DPH6: variants seen among roughly 807,000 people sequenced by gnomAD.
DPH6 encodes the protein diphthamine biosynthesis 6, also known as diphthine--ammonia ligase.
DPH6 carries 33 observed loss-of-function variants against 38.2 expected under a neutral mutation model. That is an observed-to-expected ratio of 0.86 (90% CI 0.65 to 1.15). DPH6 has a LOEUF of 1.15. Among genes scored for constraint, DPH6 ranks in the 50% most tolerant of loss-of-function variants. DPH6 has a pLI of 0.00. For missense variants in DPH6, 325 were observed against 320.0 expected (o/e 1.02, Z -0.12); for synonymous variants, 108 against 103.0 (o/e 1.05, Z -0.30).
chr15:35,257,171 C>T (rs918406157), intron 3 of DPH6, among the ~76,000 whole-genome samples: 41 of 152,086 alleles, frequency 2.7e-4, no homozygotes, highest in African/African-American at 9.7e-4. Flanking sequence ...CATAGCATAC[C>T]AGGAAAGGAG....
intron 2 of DPH6, among the ~76,000 whole-genome samples, chr15:35,539,071 A>T (rs2055214860): frequency 6.6e-6 from 1 of 152,104 alleles, no homozygotes; most frequent in African/African-American, 2.4e-5. Context: ...CTAATCAATA[A>T]TATAATCAGT....
chr15:35,496,173 A>AG (rs2054546287), intron 3 of DPH6, among the ~76,000 whole-genome samples: 1 of 152,226 alleles, frequency 6.6e-6, no homozygotes, highest in Non-Finnish European at 1.5e-5. Context: ...CTAATTACTT[A>AG]GAAAAAATTG....
intron 3 of DPH6, among the ~76,000 whole-genome samples, chr15:35,256,132 T>C (rs2051706690): frequency 6.6e-6 from 1 of 152,160 alleles, no homozygotes; most frequent in South Asian, 2.1e-4. Context: ...CATCTTATAT[T>C]ACCATGGTAT....
At chr15:35,300,615 C>T (rs1424799441) in intron 3 of DPH6, among the ~76,000 whole-genome samples, 3 of 152,128 alleles carry the variant, frequency 2.0e-5, no homozygotes, top group African/African-American at 7.2e-5. Context: ...TGGGAAAAGA[C>T]AAATGGGAGA....
chr15:35,167,210 C>T, the DPH6 span, among the ~76,000 whole-genome samples: 1 of 151,966 alleles, frequency 6.6e-6, no homozygotes, highest in Admixed American at 6.6e-5. Flanking sequence ...TTTAAAACCA[C>T]TGGAAGACTC....
At chr15:35,187,368 C>A in the DPH6 span, among the ~76,000 whole-genome samples, 3 of 152,168 alleles carry the variant, frequency 2.0e-5, no homozygotes, top group Non-Finnish European at 4.4e-5. Context: ...GGATTCTATT[C>A]TGAATGATTT....
At chr15:35,544,391 T>C (rs894655481) in intron 1 of DPH6, among the ~76,000 whole-genome samples, 1 of 151,902 alleles carries the variant, frequency 6.6e-6, no homozygotes, top group Admixed American at 6.6e-5. Flanking sequence ...TTAGGAGAAA[T>C]ACCTAATGTA....
At chr15:35,545,342 C>CT (rs2055329857) in intron 1 of DPH6, among the ~76,000 whole-genome samples, 1 of 152,198 alleles carries the variant, frequency 6.6e-6, no homozygotes. Context: ...AGTCACAGGA[C>CT]TTATTTAGAC....
intron 3 of DPH6, among the ~76,000 whole-genome samples, chr15:35,494,436 T>C (rs1227762712): frequency 1.3e-5 from 2 of 152,054 alleles, no homozygotes; most frequent in African/African-American, 2.4e-5. Flanking sequence ...TAGACAACAA[T>C]AACCTGCCTA....
intron 3 of DPH6, among the ~76,000 whole-genome samples, chr15:35,524,733 C>T (rs979333823): frequency 1.3e-5 from 2 of 152,042 alleles, no homozygotes; most frequent in African/African-American, 2.4e-5. Flanking sequence ...GATAGTGCTA[C>T]ATAAATTGCA....
chr15:35,192,778 C>T, the DPH6 span, among the ~76,000 whole-genome samples: 3 of 152,188 alleles, frequency 2.0e-5, no homozygotes, highest in African/African-American at 4.8e-5. Flanking sequence ...AATTTGTATG[C>T]ATCTATAACA....
rs534952395 is a variant in DPH6, at chr15:35,417,031, C to T, written c.506-6135G>A. 3.9e-5 allele frequency among the ~76,000 whole-genome samples: 6 copies of T among 152,098 alleles called. No individual in the cohort carries two copies. In the South Asian group the frequency reaches 6.2e-4, roughly 16 times the overall value. ...AGTTTCCTCAAGAAATTCTTTAATG[C>T]TTAGCATACCAATGATTCCATAAAT... is the stretch of plus-strand genomic sequence containing the variant. On this transcript the variant is annotated intron_variant, in intron 5 of 8. Coordinates refer to ENST00000256538, the MANE Select transcript of DPH6 (RefSeq NM_080650.4).
chr15:35,436,495 A>AAACAAACAAAC (rs200134718), intron 5 of DPH6, among the ~76,000 whole-genome samples: 511 of 38,018 alleles, frequency 0.013, 14 homozygotes, highest in African/African-American at 0.031. Flanking sequence ...AAAACAAAAC[A>AAACAAACAAAC]AAACAAAACA....
At chr15:35,368,966 A>G (rs1042729183), downstream of DPH6, among the ~76,000 whole-genome samples, 1 of 151,716 alleles carries the variant, frequency 6.6e-6, no homozygotes, top group Admixed American at 6.6e-5. Flanking sequence ...AATTCCAGAA[A>G]AAGAAAATAT....
At chr15:35,252,407 G>A (rs966006841) in intron 3 of DPH6, among the ~76,000 whole-genome samples, 1 of 152,232 alleles carries the variant, frequency 6.6e-6, no homozygotes, top group African/African-American at 2.4e-5. Context: ...GGGTTGAGCA[G>A]AGCTAAACAA....
the DPH6 span, among the ~76,000 whole-genome samples, chr15:35,203,361 G>C: frequency 6.6e-6 from 1 of 151,340 alleles, no homozygotes; most frequent in African/African-American, 2.4e-5. Flanking sequence ...TTCCACTGTG[G>C]AATGATATAT....
In DPH6 at chr15:35,488,973, T is replaced by C. The variant is rs144137517; in HGVS notation, c.313-34153A>G. Among the ~76,000 whole-genome samples the C allele has an allele frequency of 2.4e-3, 361 of 147,660 alleles. 7 individuals carry two copies. The East Asian group carries it at 0.063, about 26-fold the overall frequency. On this transcript the variant is annotated intron_variant, in intron 3 of 8. Coordinates refer to ENST00000256538, the MANE Select transcript of DPH6 (RefSeq NM_080650.4). The stretch of plus-strand genomic sequence containing the variant: ...CAGTCAATGAATGTAGTAAATACAT[T>C]TTTGCCAGGAAAAAAAAAAATGCTG...
chr15:35,158,006 A>G, the DPH6 span, among the ~76,000 whole-genome samples: 3 of 152,096 alleles, frequency 2.0e-5, no homozygotes, highest in East Asian at 5.8e-4. Flanking sequence ...TCTATTAAAA[A>G]TACTTTCATT....
chr15:35,230,085 G>C lies in DPH6; in HGVS notation n.201-9503C>G, dbSNP rs147584578. Among the ~76,000 whole-genome samples, 500 of 152,288 alleles carry C rather than the reference G, an allele frequency of 3.3e-3. 2 individuals carry two copies. Among genetic ancestry groups the C allele is most frequent in the African/African-American group, 0.011 (476 of 41,554 alleles). ...CGAAGCCCTGGGGCTCTACAATCAG[G>C]ACTGTGTCCTTTTCTTCAGGGTGGC... On this transcript the variant is annotated intron_variant and non_coding_transcript_variant, in intron 3 of 3. Transcript: ENST00000560386.
Sources: allele counts gnomAD v4.1 joint callset (sites outside exome capture counted in the v4.1 genomes callset), GRCh38; gene constraint gnomAD v4.1.1; transcripts MANE v1.5; gene names NCBI Gene and HGNC (gene_info 2026-07-23, HGNC 2026-07-21).